SPOCK3: variants seen among roughly 807,000 people sequenced by gnomAD.
The protein encoded by SPOCK3 is SPARC (osteonectin), cwcv and kazal like domains proteoglycan 3, also known as testican-3.
In SPOCK3, 30 loss-of-function variants were observed where a neutral mutation model predicts 56.6. That is an observed-to-expected ratio of 0.53 (90% CI 0.40 to 0.72). SPOCK3 has a LOEUF of 0.72. SPOCK3 is among the 30% of genes least tolerant of loss of function. SPOCK3 has a pLI of 0.00. For synonymous variants in SPOCK3, 196 were observed against 183.3 expected, an observed-to-expected ratio of 1.07 and a Z score of -0.56; for missense variants, 527 against 530.0, an observed-to-expected ratio of 0.99 and a Z score of 0.06.
At chr4:167,165,770 A>C (rs907500072) in intron 2 of SPOCK3, among the ~76,000 whole-genome samples, 2 of 152,094 alleles carry the variant, frequency 1.3e-5, no homozygotes, top group Admixed American at 1.3e-4. Context: ...GCACACACCA[A>C]ACTATTATAG....
At chr4:166,841,391 G>T (rs530927954) in intron 6 of SPOCK3, among the ~76,000 whole-genome samples, 1 of 152,236 alleles carries the variant, frequency 6.6e-6, no homozygotes, top group African/African-American at 2.4e-5. Flanking sequence ...TAGACTTATA[G>T]AATTACAAAT....
chr4:166,992,925 T>A (rs1047700679), intron 4 of SPOCK3, among the ~76,000 whole-genome samples: 7 of 152,138 alleles, frequency 4.6e-5, no homozygotes, highest in Admixed American at 4.6e-4. Flanking sequence ...CTGTTCACTG[T>A]TCACATTACA....
chr4:167,185,232 A>T (rs1731842070), intron 2 of SPOCK3, among the ~76,000 whole-genome samples: 1 of 152,200 alleles, frequency 6.6e-6, no homozygotes, highest in East Asian at 1.9e-4. Context: ...AGGGCATGGA[A>T]TATGGGGGGA....
At chr4:167,225,405 A>C (rs1736491575) in intron 2 of SPOCK3, among the ~76,000 whole-genome samples, 1 of 152,244 alleles carries the variant, frequency 6.6e-6, no homozygotes. Context: ...TGGTGGAAGA[A>C]TATTAGGGAA....
At chr4:167,231,267 A>G (rs1737152673) in intron 2 of SPOCK3, among the ~76,000 whole-genome samples, 1 of 152,058 alleles carries the variant, frequency 6.6e-6, no homozygotes, top group Non-Finnish European at 1.5e-5. Context: ...ACTTTCATTA[A>G]GGAGTCACTT....
At chr4:166,828,873 A>T (rs914165874) in intron 6 of SPOCK3, among the ~76,000 whole-genome samples, 1 of 152,024 alleles carries the variant, frequency 6.6e-6, no homozygotes, top group Non-Finnish European at 1.5e-5. Flanking sequence ...GAATCCCCCA[A>T]GAGAAATGTA....
chr4:166,880,501 T>C (rs562700201), intron 6 of SPOCK3, among the ~76,000 whole-genome samples: 4 of 152,338 alleles, frequency 2.6e-5, no homozygotes, highest in South Asian at 2.1e-4. Context: ...GCGTTTACTT[T>C]AGAAGAACCC....
intron 9 of SPOCK3, among the ~76,000 whole-genome samples, chr4:166,740,216 C>A (rs534376410): frequency 5.9e-5 from 9 of 152,030 alleles, no homozygotes; most frequent in African/African-American, 1.9e-4. Context: ...CAATTTCAGA[C>A]GCGTACTAAT....
intron 5 of SPOCK3, among the ~76,000 whole-genome samples, chr4:166,898,642 A>C (rs1735672705): frequency 6.6e-6 from 1 of 152,124 alleles, no homozygotes; most frequent in African/African-American, 2.4e-5. Flanking sequence ...TTAGGTAGTG[A>C]TGTGCTATAT....
intron 7 of SPOCK3, among the ~76,000 whole-genome samples, chr4:166,782,917 T>C (rs1377714095): frequency 6.6e-6 from 1 of 152,134 alleles, no homozygotes; most frequent in Non-Finnish European, 1.5e-5. Flanking sequence ...AGAAAGGATG[T>C]AGTGAGAAAA....
chr4:167,144,360 T>C (rs1580424406), intron 2 of SPOCK3, among the ~76,000 whole-genome samples: 1 of 152,016 alleles, frequency 6.6e-6, no homozygotes, highest in Non-Finnish European at 1.5e-5. Context: ...AAATATGCTG[T>C]GTAAAATTAT....
At chr4:167,147,952 G>C (rs1183592099) in intron 2 of SPOCK3, among the ~76,000 whole-genome samples, 1 of 150,924 alleles carries the variant, frequency 6.6e-6, no homozygotes, top group Non-Finnish European at 1.5e-5. Flanking sequence ...AGCACTTAAA[G>C]TATAATAAAA....
intron 3 of SPOCK3, among the ~76,000 whole-genome samples, chr4:167,002,717 G>T (rs1055534520): frequency 6.6e-6 from 1 of 151,994 alleles, no homozygotes; most frequent in African/African-American, 2.4e-5. Flanking sequence ...GTAAAAAAAA[G>T]CTGTCTTCGA....
chr4:167,098,286 AAC>A (rs558340491), intron 2 of SPOCK3, among the ~76,000 whole-genome samples: 1,700 of 152,130 alleles, frequency 0.011, 17 homozygotes, highest in Non-Finnish European at 0.018. Flanking sequence ...CCAGAGATGA[AAC>A]ACAGAATAAA....
At chr4:166,740,756 C>A (rs1176563564) in intron 9 of SPOCK3, among the ~76,000 whole-genome samples, 1 of 151,980 alleles carries the variant, frequency 6.6e-6, no homozygotes, top group Non-Finnish European at 1.5e-5. Flanking sequence ...GAACTCCTGA[C>A]CTCAGGTGAT....
chr4:166,922,646 T>C (rs1241632859), intron 4 of SPOCK3, among the ~76,000 whole-genome samples: 1 of 152,160 alleles, frequency 6.6e-6, no homozygotes, highest in Admixed American at 6.6e-5. Context: ...GTTTCTCTAA[T>C]TCTGAAGTTT....
intron 2 of SPOCK3, among the ~76,000 whole-genome samples, chr4:167,194,161 C>T (rs1396430447): frequency 8.0e-6 from 1 of 125,724 alleles, no homozygotes; most frequent in African/African-American, 3.3e-5. Flanking sequence ...TTCACTGATT[C>T]TTTTATTTGC....
At chr4:167,195,036 A>G (rs1347993693) in intron 2 of SPOCK3, among the ~76,000 whole-genome samples, 3 of 152,098 alleles carry the variant, frequency 2.0e-5, no homozygotes, top group Non-Finnish European at 4.4e-5. Flanking sequence ...GCCTACCTCT[A>G]GTGACATGGA....
intron 2 of SPOCK3, among the ~76,000 whole-genome samples, chr4:167,218,138 A>G (rs1239142538): frequency 6.6e-6 from 1 of 152,172 alleles, no homozygotes. Flanking sequence ...TGTTTCTAAC[A>G]TGGCACATTT....
Sources: gnomAD v4.1 joint callset for allele counts (sites outside exome capture counted in the v4.1 genomes callset) on GRCh38, gnomAD v4.1.1 for gene constraint, MANE v1.5 for transcripts, NCBI Gene and HGNC (gene_info 2026-07-23, HGNC 2026-07-21) for gene names.